FHIT: variants seen among roughly 807,000 people sequenced by gnomAD.
FHIT encodes the protein bis(5'-adenosyl)-triphosphatase.
In FHIT, 19 loss-of-function variants were observed where a neutral mutation model predicts 17.9. That is an observed-to-expected ratio of 1.06 (90% CI 0.74 to 1.56). The LOEUF is 1.56. Ranked by LOEUF, FHIT falls within the 40% of genes most tolerant of loss-of-function variation. The pLI, the probability that FHIT is intolerant of heterozygous loss-of-function variation, is 0.00. For missense variants in FHIT, 248 were observed against 189.2 expected, an observed-to-expected ratio of 1.31 and a Z score of -1.82; for synonymous variants, 81 against 69.7, an observed-to-expected ratio of 1.16 and a Z score of -0.81.
At chr3:60,432,033 T>C (rs892789757) in intron 5 of FHIT, among the ~76,000 whole-genome samples, 10 of 152,238 alleles carry the variant, frequency 6.6e-5, no homozygotes, top group Middle Eastern at 6.8e-3. Flanking sequence ...TAGAGTGCAG[T>C]AGCGCAATCT....
At chr3:60,198,118 T>C (rs115746441) in intron 5 of FHIT, among the ~76,000 whole-genome samples, 2,425 of 127,468 alleles carry the variant, frequency 0.019, 31 homozygotes, top group Middle Eastern at 0.056. Flanking sequence ...TTTTTTCTTT[T>C]CAAATAAAGT....
intron 5 of FHIT, among the ~76,000 whole-genome samples, chr3:60,368,926 T>C (rs548712622): frequency 6.6e-6 from 1 of 152,248 alleles, no homozygotes; most frequent in East Asian, 1.9e-4. Flanking sequence ...CAGAGACTAG[T>C]TGGCTGTTAA....
chr3:60,914,287 T>G (rs1184672515), intron 3 of FHIT, among the ~76,000 whole-genome samples: 2 of 152,160 alleles, frequency 1.3e-5, no homozygotes, highest in Middle Eastern at 3.2e-3. Context: ...AATACATATC[T>G]TGAAATTTTA....
intron 4 of FHIT, among the ~76,000 whole-genome samples, chr3:60,551,284 T>G (rs1036132602): frequency 5.3e-5 from 8 of 150,588 alleles, no homozygotes; most frequent in Non-Finnish European, 1.0e-4. Context: ...TCCAGAGTGT[T>G]CAGGGTCTAA....
intron 5 of FHIT, among the ~76,000 whole-genome samples, chr3:60,169,298 T>C (rs968825186): frequency 6.6e-6 from 1 of 152,168 alleles, no homozygotes; most frequent in African/African-American, 2.4e-5. Context: ...TCAGGGGTAC[T>C]GTAATACCCT....
intron 4 of FHIT, among the ~76,000 whole-genome samples, chr3:60,555,708 CTCT>C (rs887875110): frequency 2.0e-5 from 3 of 152,170 alleles, no homozygotes; most frequent in Admixed American, 6.5e-5. Flanking sequence ...AATTTCAGAA[CTCT>C]TAATTATTAG....
At chr3:59,885,780 A>G (rs573714309) in intron 8 of FHIT, among the ~76,000 whole-genome samples, 17 of 152,262 alleles carry the variant, frequency 1.1e-4, no homozygotes, top group Admixed American at 8.5e-4. Context: ...TCATTTTCCA[A>G]AAGAAATCAG....
At chr3:61,068,874 A>G (rs1190777861) in intron 2 of FHIT, among the ~76,000 whole-genome samples, 1 of 152,164 alleles carries the variant, frequency 6.6e-6, no homozygotes, top group Non-Finnish European at 1.5e-5. Context: ...TTTCCTACTC[A>G]AAAAGTAATG....
At chr3:59,878,020 G>C (rs1245886865) in intron 8 of FHIT, among the ~76,000 whole-genome samples, 1 of 152,070 alleles carries the variant, frequency 6.6e-6, no homozygotes, top group Non-Finnish European at 1.5e-5. Context: ...AATGCATATA[G>C]GCCAAATTAA....
chr3:59,923,195 A>C (rs966068855), intron 7 of FHIT, among the ~76,000 whole-genome samples: 2 of 126,178 alleles, frequency 1.6e-5, no homozygotes, highest in African/African-American at 6.2e-5. Flanking sequence ...ACTGCACTCC[A>C]GCCTGGGCGA....
chr3:60,082,339 T>C (rs548253228), intron 5 of FHIT, among the ~76,000 whole-genome samples: 1 of 152,172 alleles, frequency 6.6e-6, no homozygotes, highest in South Asian at 2.1e-4. Flanking sequence ...TATTCCACTG[T>C]GTATGTGTAC....
At chr3:60,621,575 A>G (rs1367008913) in intron 4 of FHIT, among the ~76,000 whole-genome samples, 1 of 151,422 alleles carries the variant, frequency 6.6e-6, no homozygotes, top group Non-Finnish European at 1.5e-5. Context: ...TAGTGACTGC[A>G]CTGAGCATTA....
At chr3:61,171,942 T>C (rs1576146980) in intron 2 of FHIT, among the ~76,000 whole-genome samples, 1 of 152,236 alleles carries the variant, frequency 6.6e-6, no homozygotes, top group East Asian at 1.9e-4. Flanking sequence ...TTCATCTCTT[T>C]TTTATGAAAC....
intron 5 of FHIT, among the ~76,000 whole-genome samples, chr3:60,318,900 T>C (rs569324710): frequency 2.0e-5 from 3 of 152,318 alleles, no homozygotes; most frequent in Admixed American, 2.0e-4. Flanking sequence ...TTTCCATCTT[T>C]TCCAGCTTCT....
At chr3:60,250,346 A>T (rs1705634587) in intron 5 of FHIT, among the ~76,000 whole-genome samples, 1 of 152,192 alleles carries the variant, frequency 6.6e-6, no homozygotes, top group Non-Finnish European at 1.5e-5. Context: ...AGCAATGACT[A>T]AAGGAGCACA....
intron 5 of FHIT, among the ~76,000 whole-genome samples, chr3:60,410,457 G>C (rs922689043): frequency 6.6e-6 from 1 of 152,226 alleles, no homozygotes; most frequent in East Asian, 1.9e-4. Flanking sequence ...TTCTCACAAG[G>C]TTTTATCGTG....
chr3:60,710,967 C>T (rs1045694826), intron 4 of FHIT, among the ~76,000 whole-genome samples: 1 of 152,206 alleles, frequency 6.6e-6, no homozygotes, highest in South Asian at 2.1e-4. Context: ...GGCAGACTGC[C>T]TCCTCAAGTG....
intron 3 of FHIT, among the ~76,000 whole-genome samples, chr3:61,028,529 T>C (rs1299839211): frequency 6.6e-6 from 1 of 152,070 alleles, no homozygotes; most frequent in Non-Finnish European, 1.5e-5. Context: ...AAGTATGGCA[T>C]AATAGGAAGA....
chr3:59,946,335 T>A (rs2107287899), intron 7 of FHIT, among the ~76,000 whole-genome samples: 2 of 152,316 alleles, frequency 1.3e-5, no homozygotes, highest in South Asian at 4.1e-4. Context: ...ATACTGTTGG[T>A]GTATAGAAAA....
Sources: allele counts gnomAD v4.1 joint callset (sites outside exome capture counted in the v4.1 genomes callset), GRCh38; gene constraint gnomAD v4.1.1; transcripts MANE v1.5; gene names NCBI Gene and HGNC (gene_info 2026-07-23, HGNC 2026-07-21).